Variants in CDH3 observed in about 807,000 individuals in gnomAD.
The protein encoded by CDH3 is cadherin-3.
Under a neutral mutation model 82.0 loss-of-function variants are expected in CDH3, and 54 were observed. The observed-to-expected ratio is 0.66, with a 90% CI of 0.53 to 0.83. The LOEUF is 0.83. CDH3 is among the 40% of genes least tolerant of loss of function. The probability of loss-of-function intolerance (pLI) is 0.00; values close to 1 mark genes in which losing one functional copy is unlikely to be tolerated. For synonymous variants in CDH3, 446 were observed against 437.9 expected (o/e 1.02, Z -0.23); for missense variants, 1,054 against 1,084.6 (o/e 0.97, Z 0.40).
chr16:68,712,873 G>T (rs551994419), intron 1 of CDH3, among the ~76,000 whole-genome samples: 117 of 152,192 alleles, frequency 7.7e-4, no homozygotes, highest in Non-Finnish European at 1.3e-3. Flanking sequence ...GTAGAGTTGG[G>T]GTTTCACCAT....
At chr16:68,720,375 T>C (rs1240707634) in intron 1 of CDH3, among the ~76,000 whole-genome samples, 1 of 152,066 alleles carries the variant, frequency 6.6e-6, no homozygotes. Flanking sequence ...TCTTAAAATC[T>C]AAAGTTTGTC....
downstream of CDH3, among the ~76,000 whole-genome samples, chr16:68,729,582 G>C (rs1962261685): frequency 6.6e-6 from 1 of 152,178 alleles, no homozygotes; most frequent in South Asian, 2.1e-4. Flanking sequence ...AGTCTTAAGG[G>C]GCATAACAGA....
At position 68,678,564 on chromosome 16, in the gene CDH3, A is replaced by G; in HGVS notation, c.454A>G (p.Ser152Gly). 1 of 1,613,924 alleles carries G rather than the reference A, an allele frequency of 6.2e-7. No individual in the cohort carries two copies. Among genetic ancestry groups the G allele is most frequent in the Non-Finnish European group, 8.5e-7 (1 of 1,179,868 alleles). ...CAGCATCACGGGGCCGGGGGCAGAC[A>G]GCCCCCCTGAGGGTGTCTTCGCTGT... ...FYSITGPGAD[S>G]PPEGVFAVEK... Residue 152 changes from serine to glycine, a missense_variant, in exon 5 of 16, where the codon AGC (serine) becomes GGC (glycine). Coordinates refer to ENST00000264012, the MANE Select transcript of CDH3 (RefSeq NM_001793.6).
intron 14 of CDH3, 120 bp downstream of exon 14, chr16:68,695,505 G>T: frequency 1.0e-5 from 11 of 1,055,822 alleles, no homozygotes; most frequent in Non-Finnish European, 1.5e-5. Context: ...TGAAGCATGC[G>T]TCTTCCTTTT....
In CDH3 at chr16:68,657,542, C is replaced by T. The variant is rs1414409970; in HGVS notation, c.160+11792C>T. ...AAGCCAAACGTCTTCCTTTCTCCCT[C>T]GACCCCATCTTTGAACTCAGGACTC... On this transcript the variant is annotated intron_variant, in intron 2 of 15. Coordinates refer to ENST00000264012, the MANE Select transcript of CDH3 (RefSeq NM_001793.6). Among the ~76,000 whole-genome samples the T allele has an allele frequency of 5.3e-5, 8 of 152,200 alleles. No homozygotes were observed. The East Asian group carries it at 7.8e-4, about 15-fold the overall frequency.
chr16:68,698,170 A>T (rs1248799068), intron 15 of CDH3, 21 bp from the exon 16 acceptor site: 3 of 1,613,188 alleles, frequency 1.9e-6, no homozygotes, highest in Non-Finnish European at 2.5e-6. Flanking sequence ...GCTCCTAACT[A>T]CCTGTTCTCT....
chr16:68,724,987 C>T lies in CDH3; in HGVS notation c.*46-2166C>T, dbSNP rs78426441. On this transcript the variant is annotated intron_variant, in intron 2 of 2. Transcript: ENST00000569080. ...TAGACAGAGTTCTGGCACCTGATTC[C>T]CTTGCTCTGAGAAGAGGGTGGGGCC... Among the ~76,000 whole-genome samples, 770 of 152,172 alleles carry T rather than the reference C, an allele frequency of 5.1e-3. 8 individuals are homozygous for T. Among genetic ancestry groups the T allele is most frequent in the African/African-American group, 0.018 (731 of 41,514 alleles).
intron 2 of CDH3, among the ~76,000 whole-genome samples, chr16:68,724,643 AT>A (rs1373756996): frequency 4.3e-5 from 6 of 140,050 alleles, no homozygotes; most frequent in Admixed American, 3.6e-4. Context: ...AAAAAAAAAA[AT>A]GGTCTCGAGA....
intron 1 of CDH3, among the ~76,000 whole-genome samples, chr16:68,721,229 CT>C (rs71148941): frequency 0.039 from 4,479 of 114,426 alleles, 163 homozygotes; most frequent in African/African-American, 0.14. Context: ...GCAGTTTAGT[CT>C]TTTTTTTTTT....
rs1455262603 is a variant in CDH3 at position 68,695,924 on chromosome 16, G to A, written c.2280+1G>A. On this transcript the variant is annotated splice_donor_variant, in intron 15 of 15. Transcript: ENST00000264012. LOFTEE classifies it high-confidence loss of function. The stretch of plus-strand genomic sequence containing the variant: ...TGAAATCGGCAACTTTATAATTGAG[G>A]TGAGGCGTGGCAGGCCAGTCGAGGG... The A allele has an allele frequency of 6.2e-7, 1 of 1,613,948 alleles. No individual in the cohort carries two copies. Among genetic ancestry groups the A allele is most frequent in the African/African-American group, 1.3e-5 (1 of 74,920 alleles).
At chr16:68,695,747 A>G in intron 14 of CDH3, 30 bp from the exon 15 acceptor site, 1 of 1,612,822 alleles carries the variant, frequency 6.2e-7, no homozygotes, top group Non-Finnish European at 8.5e-7. Flanking sequence ...AGGAGTCCTC[A>G]GTCACCTGCT....
chr16:68,722,164 T>C (rs1962172209), intron 1 of CDH3, among the ~76,000 whole-genome samples: 1 of 152,214 alleles, frequency 6.6e-6, no homozygotes, highest in African/African-American at 2.4e-5. Flanking sequence ...TGTAAATCCC[T>C]GGCTCCCTTG....
Position 68,646,246 on chromosome 16 carries a change from G to C in CDH3, c.160+496G>C, listed in dbSNP as rs533193256. 6.4e-5 allele frequency: 11 copies of C among 171,596 alleles called. No individual in the cohort carries two copies. In the East Asian group the frequency reaches 1.7e-3, roughly 27 times the overall value. The allele number at this position is 171,596 out of a possible 1,614,324, so 10.6% of individuals were successfully genotyped here. On this transcript the variant is annotated intron_variant, in intron 2 of 15. Coordinates refer to ENST00000264012, the MANE Select transcript of CDH3 (RefSeq NM_001793.6). Reference sequence around the variant, plus strand: ...CCCTACCCCGCCCCCCTTCTTCCTCGGCAGCTGGAATGCACTCTTAACCCT... The same window carrying C: ...CCCTACCCCGCCCCCCTTCTTCCTCCGCAGCTGGAATGCACTCTTAACCCT...
intron 2 of CDH3, among the ~76,000 whole-genome samples, chr16:68,653,261 CAG>C (rs1254242858): frequency 1.3e-5 from 2 of 150,468 alleles, no homozygotes; most frequent in Admixed American, 6.6e-5. Flanking sequence ...ATTTTTGAGA[CAG>C]AGTTTTGCTC....
chr16:68,711,345 AAAAG>A (rs968741619), intron 1 of CDH3, among the ~76,000 whole-genome samples: 17 of 150,024 alleles, frequency 1.1e-4, no homozygotes, highest in African/African-American at 3.2e-4. Flanking sequence ...AAAAGAAAGA[AAAAG>A]AAAGAAAAGG....
At chr16:68,703,114 C>A (rs1053526764), downstream of CDH3, among the ~76,000 whole-genome samples, 2 of 152,204 alleles carry the variant, frequency 1.3e-5, no homozygotes, top group Non-Finnish European at 2.9e-5. Context: ...ATGCCTTTTC[C>A]CTCGTCACTG....
At chr16:68,727,006 C>G (rs1962226788) in intron 2 of CDH3, among the ~76,000 whole-genome samples, 1 of 152,204 alleles carries the variant, frequency 6.6e-6, no homozygotes. Flanking sequence ...CCTGAAGAGA[C>G]TGCTATTTGA....
chr16:68,701,415 CAG>C (rs1293962430), downstream of CDH3, among the ~76,000 whole-genome samples: 1 of 152,214 alleles, frequency 6.6e-6, no homozygotes. Flanking sequence ...GCTAACCACG[CAG>C]AGTGGACACT....
At chr16:68,712,468 G>A (rs1962043215) in intron 1 of CDH3, among the ~76,000 whole-genome samples, 1 of 152,170 alleles carries the variant, frequency 6.6e-6, no homozygotes, top group South Asian at 2.1e-4. Flanking sequence ...TAATAACCTT[G>A]TCTTAAAAGC....
Sources: allele counts gnomAD v4.1 joint callset (sites outside exome capture counted in the v4.1 genomes callset), GRCh38; gene constraint gnomAD v4.1.1; transcripts MANE v1.5; gene names NCBI Gene and HGNC (gene_info 2026-07-23, HGNC 2026-07-21).